Variants in KCNN2 observed in about 807,000 individuals in gnomAD.
KCNN2 encodes the protein small conductance calcium-activated potassium channel protein 2.
Under a neutral mutation model 55.5 loss-of-function variants are expected in KCNN2, and 24 were observed. The observed-to-expected ratio is 0.43, with a 90% CI of 0.31 to 0.61. KCNN2 has a LOEUF of 0.61. Ranked by LOEUF, KCNN2 falls within the 20% of genes least tolerant of loss-of-function variation. The pLI is 0.08. For synonymous variants in KCNN2, 431 were observed against 336.1 expected (o/e 1.28, Z -3.09); for missense variants, 754 against 853.6 (o/e 0.88, Z 1.45).
chr5:114,432,122 T>G (rs1279400739), intron 3 of KCNN2, among the ~76,000 whole-genome samples: 1 of 152,242 alleles, frequency 6.6e-6, no homozygotes, highest in African/African-American at 2.4e-5. Flanking sequence ...ACTACGTTGT[T>G]ACTGATTTTC....
chr5:114,342,637 T>C, intron 2 of KCNN2, among the ~76,000 whole-genome samples: 1 of 152,226 alleles, frequency 6.6e-6, no homozygotes. Flanking sequence ...ATAAAGGTTA[T>C]GGCCCAAGAA....
intron 2 of KCNN2, among the ~76,000 whole-genome samples, chr5:114,321,697 C>T (rs1402183936): frequency 6.6e-6 from 1 of 150,694 alleles, no homozygotes; most frequent in East Asian, 1.9e-4. Flanking sequence ...GAGAGGGGGT[C>T]TTTGTTCTGT....
rs548099477 is a variant in KCNN2 at position 114,196,146 on chromosome 5, A to G, written c.-270-25334A>G. 5.9e-5 allele frequency among the ~76,000 whole-genome samples: 9 copies of G among 152,088 alleles called. No individual in the cohort carries two copies. The South Asian group carries it at 1.0e-3, about 18-fold the overall frequency. ...GATCATAGTTTTTGCCCTCTATTCT[A>G]TTAATATAATATATTACATTAATTG... On this transcript the variant is annotated intron_variant, in intron 1 of 10. Transcript: ENST00000512097.
intron 1 of KCNN2, among the ~76,000 whole-genome samples, chr5:114,120,483 C>G (rs1460314106): frequency 6.6e-6 from 1 of 152,184 alleles, no homozygotes; most frequent in African/African-American, 2.4e-5. Context: ...GAGTGTTCAA[C>G]TAAGCTAAAT....
chr5:114,485,276 CAGAG>C (rs1176712674), intron 5 of KCNN2, among the ~76,000 whole-genome samples: 5 of 152,090 alleles, frequency 3.3e-5, no homozygotes, highest in Admixed American at 6.6e-5. Context: ...CTGGTAAAAT[CAGAG>C]AGAGAGCCTC....
intron 2 of KCNN2, among the ~76,000 whole-genome samples, chr5:114,245,378 T>C (rs902095720): frequency 5.3e-5 from 8 of 152,258 alleles, no homozygotes; most frequent in Non-Finnish European, 2.9e-5. Flanking sequence ...TGCATTTGTG[T>C]AGCATTTTAT....
At chr5:114,491,172 A>G (rs1012653432) in intron 6 of KCNN2, among the ~76,000 whole-genome samples, 29 of 152,232 alleles carry the variant, frequency 1.9e-4, no homozygotes, top group African/African-American at 7.0e-4. Flanking sequence ...TTATAAGATG[A>G]AGTACCCACT....
intron 2 of KCNN2, among the ~76,000 whole-genome samples, chr5:114,383,997 T>G (rs1179140485): frequency 1.3e-5 from 2 of 152,246 alleles, no homozygotes; most frequent in Non-Finnish European, 2.9e-5. Flanking sequence ...TCTCATTTCA[T>G]CTACATTGTA....
intron 1 of KCNN2, among the ~76,000 whole-genome samples, chr5:114,084,965 T>G (rs1750981907): frequency 1.3e-5 from 2 of 151,920 alleles, no homozygotes; most frequent in Non-Finnish European, 2.9e-5. Context: ...CAATTGACTC[T>G]ACTTGTGTGA....
intron 1 of KCNN2, among the ~76,000 whole-genome samples, chr5:114,167,879 A>G (rs532440144): frequency 1.8e-4 from 27 of 152,188 alleles, no homozygotes; most frequent in African/African-American, 6.5e-4. Context: ...CTACAGATCA[A>G]TGTGTAAGTT....
chr5:114,308,203 A>G (rs1180620899), intron 2 of KCNN2, among the ~76,000 whole-genome samples: 2 of 152,102 alleles, frequency 1.3e-5, no homozygotes, highest in Non-Finnish European at 2.9e-5. Context: ...ACCATCAACA[A>G]TGGGATCTGC....
chr5:114,368,799 C>T (rs1450615981), intron 2 of KCNN2, among the ~76,000 whole-genome samples: 1 of 152,056 alleles, frequency 6.6e-6, no homozygotes, highest in Non-Finnish European at 1.5e-5. Context: ...TTTAGGAATA[C>T]ACCCATACCT....
chr5:114,202,132 C>T (rs953624925), intron 1 of KCNN2, among the ~76,000 whole-genome samples: 3 of 152,028 alleles, frequency 2.0e-5, no homozygotes, highest in Admixed American at 2.0e-4. Context: ...CTGTAGACTC[C>T]CTAGTAGCTG....
rs530208564 is a variant in KCNN2, at chr5:114,436,912, A to G, written c.1638-26137A>G. ...GTGGCTGGCATTATTGAGGAATTGT[A>G]TTTTTTATTTTATTTAATTTTACTT... is the stretch of plus-strand genomic sequence containing the variant. On this transcript the variant is annotated intron_variant, in intron 3 of 7. Coordinates refer to ENST00000673685, the MANE Select transcript of KCNN2 (RefSeq NM_021614.4). Among the ~76,000 whole-genome samples, 16 of 152,240 alleles carry G rather than the reference A, an allele frequency of 1.1e-4. No individual in the cohort carries two copies. In the East Asian group the frequency reaches 1.5e-3, roughly 15 times the overall value.
At chr5:114,375,383 C>G (rs1757900710) in intron 2 of KCNN2, among the ~76,000 whole-genome samples, 2 of 151,994 alleles carry the variant, frequency 1.3e-5, no homozygotes, top group Admixed American at 1.3e-4. Context: ...GGTAGGTACC[C>G]AAGCAAAGGT....
At chr5:114,187,448 T>C (rs1753356615) in intron 1 of KCNN2, among the ~76,000 whole-genome samples, 2 of 152,244 alleles carry the variant, frequency 1.3e-5, no homozygotes, top group South Asian at 4.1e-4. Context: ...GGCCTAACCT[T>C]TTGGAATATA....
intron 4 of KCNN2, among the ~76,000 whole-genome samples, chr5:114,471,213 TC>T (rs1376511496): frequency 6.6e-6 from 1 of 152,154 alleles, no homozygotes; most frequent in African/African-American, 2.4e-5. Flanking sequence ...GAACCCCACT[TC>T]CTGCCATGAA....
chr5:114,093,636 C>G (rs7716936), intron 1 of KCNN2, among the ~76,000 whole-genome samples: 1 of 151,892 alleles, frequency 6.6e-6, no homozygotes, highest in African/African-American at 2.4e-5. Context: ...ACATTCCTGG[C>G]GGAAGGTGAG....
At chr5:114,179,385 T>G (rs1753195505) in intron 1 of KCNN2, among the ~76,000 whole-genome samples, 1 of 152,216 alleles carries the variant, frequency 6.6e-6, no homozygotes, top group African/African-American at 2.4e-5. Context: ...GGGAGCTTGC[T>G]TTCCCCAGAG....
Sources: allele counts gnomAD v4.1 joint callset (sites outside exome capture counted in the v4.1 genomes callset), GRCh38; gene constraint gnomAD v4.1.1; transcripts MANE v1.5; gene names NCBI Gene and HGNC (gene_info 2026-07-23, HGNC 2026-07-21).